Variants in FSTL5 observed in about 807,000 individuals in gnomAD.
The protein encoded by FSTL5 is follistatin like 5.
Under a neutral mutation model 89.1 loss-of-function variants are expected in FSTL5, and 62 were observed. The ratio of observed to expected loss-of-function variants is 0.70; its 90% CI spans 0.57 to 0.86. FSTL5 has a LOEUF of 0.86. Among genes scored for constraint, FSTL5 ranks in the 40% least tolerant of loss-of-function variants. The pLI is 0.00. For missense variants in FSTL5, 1,057 were observed against 1,001.6 expected (o/e 1.06, Z -0.75); for synonymous variants, 383 against 346.2 (o/e 1.11, Z -1.18).
chr4:161,413,001 G>A (rs1172203019), intron 15 of FSTL5, among the ~76,000 whole-genome samples: 2 of 151,948 alleles, frequency 1.3e-5, no homozygotes, highest in Non-Finnish European at 2.9e-5. Context: ...CATTGGCCTT[G>A]ACAAAGAATT....
intron 4 of FSTL5, among the ~76,000 whole-genome samples, chr4:161,821,268 G>C (rs528042235): frequency 3.9e-5 from 6 of 151,980 alleles, no homozygotes; most frequent in Non-Finnish European, 8.8e-5. Flanking sequence ...GAATTCCTGG[G>C]ATCAAGCAAT....
intron 11 of FSTL5, among the ~76,000 whole-genome samples, chr4:161,506,292 C>T (rs1560928521): frequency 6.7e-6 from 1 of 149,800 alleles, no homozygotes; most frequent in Admixed American, 6.7e-5. Flanking sequence ...AGGCTGTTCT[C>T]AAACTCCTGG....
chr4:161,391,341 T>C (rs1241183799), intron 15 of FSTL5, among the ~76,000 whole-genome samples: 4 of 152,180 alleles, frequency 2.6e-5, no homozygotes, highest in Non-Finnish European at 4.4e-5. Flanking sequence ...CTAATTGGAT[T>C]ATAAATGTCA....
chr4:162,089,697 G>A (rs1023782981), intron 2 of FSTL5, among the ~76,000 whole-genome samples: 7 of 149,392 alleles, frequency 4.7e-5, no homozygotes, highest in Non-Finnish European at 8.9e-5. Flanking sequence ...TTGTAGTATC[G>A]TTGCTATACT....
chr4:162,041,613 T>C (rs1305075822), intron 2 of FSTL5, among the ~76,000 whole-genome samples: 1 of 152,170 alleles, frequency 6.6e-6, no homozygotes, highest in East Asian at 1.9e-4. Context: ...CTTCTTATTG[T>C]ATATTCATAT....
At position 162,021,148 on chromosome 4, in the gene FSTL5, G is replaced by C. The variant is rs554705857; in HGVS notation, c.160+12477C>G. 2.0e-5 allele frequency among the ~76,000 whole-genome samples: 3 copies of C among 152,170 alleles called. No homozygotes were observed. The South Asian group carries it at 6.2e-4, about 32-fold the overall frequency. ...AACCTATTTATTCAAATGTTGAGAA[G>C]ACAGAACTTCCCATCTTGCAATGGA... is the stretch of plus-strand genomic sequence containing the variant. On this transcript the variant is annotated intron_variant, in intron 3 of 15. Transcript: ENST00000306100.
intron 3 of FSTL5, among the ~76,000 whole-genome samples, chr4:161,945,281 G>A (rs1470678268): frequency 1.3e-5 from 2 of 152,134 alleles, no homozygotes; most frequent in Non-Finnish European, 2.9e-5. Context: ...ATTGCAACTT[G>A]TAAAGTTGTT....
chr4:161,389,922 A>G (rs1730764834), intron 15 of FSTL5, among the ~76,000 whole-genome samples: 1 of 152,088 alleles, frequency 6.6e-6, no homozygotes, highest in Admixed American at 6.6e-5. Flanking sequence ...TGCAGGTAAT[A>G]TTCTTACAAC....
intron 2 of FSTL5, among the ~76,000 whole-genome samples, chr4:162,034,963 T>C (rs1209634878): frequency 6.6e-6 from 1 of 152,172 alleles, no homozygotes; most frequent in Non-Finnish European, 1.5e-5. Flanking sequence ...TTATTAATTG[T>C]TTAATTTAGA....
At chr4:161,900,658 AGAAAGAAAGAAAGAAAG>A (rs1733332620) in intron 4 of FSTL5, among the ~76,000 whole-genome samples, 3 of 94,584 alleles carry the variant, frequency 3.2e-5, no homozygotes, top group Non-Finnish European at 2.1e-5. Context: ...AAAAAAAAAA[AGAAAGAAAGAAAGAAAG>A]AAAAGAAAAA....
chr4:162,139,119 A>G (rs72986964), intron 1 of FSTL5, among the ~76,000 whole-genome samples: 35,280 of 151,834 alleles, frequency 0.23, 4,289 homozygotes, highest in Non-Finnish European at 0.26. Flanking sequence ...GGGTACATGT[A>G]CAGGTTTATT....
At chr4:161,513,274 AGAG>A (rs1730709745) in intron 10 of FSTL5, among the ~76,000 whole-genome samples, 1 of 3,846 alleles carries the variant, frequency 2.6e-4, no homozygotes, top group Non-Finnish European at 1.2e-3. Context: ...AAGGAGGGGG[AGAG>A]AGAGAGAGAG....
At chr4:162,092,590 G>C (rs1388825098) in intron 2 of FSTL5, among the ~76,000 whole-genome samples, 1 of 152,006 alleles carries the variant, frequency 6.6e-6, no homozygotes, top group Non-Finnish European at 1.5e-5. Context: ...CCTAAAGTTT[G>C]ATAAGTAGAA....
chr4:161,479,943 AATGGATGG>A (rs559940318), intron 13 of FSTL5, among the ~76,000 whole-genome samples: 3 of 152,140 alleles, frequency 2.0e-5, no homozygotes, highest in African/African-American at 7.2e-5. Flanking sequence ...TGGGTGAGTG[AATGGATGG>A]ATGGATGGAT....
chr4:161,936,405 C>G (rs1357824729), intron 3 of FSTL5, among the ~76,000 whole-genome samples: 1 of 151,934 alleles, frequency 6.6e-6, no homozygotes, highest in Non-Finnish European at 1.5e-5. Flanking sequence ...TTTGAGACAA[C>G]TAAAAATACT....
chr4:161,917,993 T>C (rs1733886964), intron 4 of FSTL5, among the ~76,000 whole-genome samples: 1 of 152,166 alleles, frequency 6.6e-6, no homozygotes. Context: ...ATTTTTTCTT[T>C]AAAAAATCCC....
At chr4:161,808,801 A>G (rs1389395541) in intron 4 of FSTL5, among the ~76,000 whole-genome samples, 1 of 152,222 alleles carries the variant, frequency 6.6e-6, no homozygotes, top group Non-Finnish European at 1.5e-5. Flanking sequence ...CTCAAAAACA[A>G]AAACGAAATT....
At chr4:162,080,798 C>T (rs1417356688) in intron 2 of FSTL5, among the ~76,000 whole-genome samples, 1 of 151,420 alleles carries the variant, frequency 6.6e-6, no homozygotes, top group Non-Finnish European at 1.5e-5. Context: ...GTTTGAGAAA[C>T]AAACTATGCA....
At chr4:162,134,748 C>A (rs1732462284) in intron 1 of FSTL5, among the ~76,000 whole-genome samples, 2 of 152,162 alleles carry the variant, frequency 1.3e-5, no homozygotes, top group African/African-American at 4.8e-5. Flanking sequence ...CTGCTGATCT[C>A]ATTTTCCCAT....
Sources: allele counts gnomAD v4.1 joint callset (sites outside exome capture counted in the v4.1 genomes callset), GRCh38; gene constraint gnomAD v4.1.1; transcripts MANE v1.5; gene names NCBI Gene and HGNC (gene_info 2026-07-23, HGNC 2026-07-21).